The following STK4 variants were observed in gnomAD, a reference collection of about 807,000 sequenced individuals.
The protein encoded by STK4 is serine/threonine-protein kinase 4.
STK4 carries 30 observed loss-of-function variants against 64.9 expected under a neutral mutation model. The observed-to-expected ratio is 0.46, with a 90% CI of 0.35 to 0.63. STK4 has a LOEUF of 0.63. Among genes scored for constraint, STK4 ranks in the 20% least tolerant of loss-of-function variants. The pLI is 0.01. For missense variants in STK4, 466 were observed against 598.5 expected (o/e 0.78, Z 2.31); for synonymous variants, 177 against 199.0 (o/e 0.89, Z 0.93).
At chr20:44,971,880 C>A (rs1218491341) in intron 1 of STK4, among the ~76,000 whole-genome samples, 198 bp from the exon 2 acceptor site, 1 of 151,760 alleles carries the variant, frequency 6.6e-6, no homozygotes, top group Non-Finnish European at 1.5e-5. Context: ...ACCATGTTAG[C>A]CAGGATGGTC....
chr20:45,075,254 C>G lies in STK4; in HGVS notation c.*78C>G, dbSNP rs1980423940. 6.5e-7 allele frequency: 1 copy of G among 1,543,218 alleles called. No individual in the cohort carries two copies. On this transcript the variant is annotated 3_prime_UTR_variant, in exon 11 of 11. Coordinates refer to ENST00000372806, the MANE Select transcript of STK4 (RefSeq NM_006282.5). ...GGATGGCTTGCCTCATGTTTGTTAG[C>G]CAGCACTTCTGCTCTGTCGTCTCTC...
intron 6 of STK4, 58 bp from the exon 7 acceptor site, chr20:44,997,111 A>G (rs2067744914): frequency 1.9e-6 from 3 of 1,602,266 alleles, no homozygotes; most frequent in Admixed American, 3.4e-5. Flanking sequence ...TGTATTTTTT[A>G]TTGGAGCATT....
chr20:45,007,817 GCA>G (rs1184114406), intron 9 of STK4: 6 of 420,570 alleles, frequency 1.4e-5, no homozygotes, highest in African/African-American at 4.2e-5. Flanking sequence ...CAGGTTTGAT[GCA>G]TAAATATATT....
chr20:45,052,614 G>A (rs2145440705), intron 10 of STK4, among the ~76,000 whole-genome samples: 1 of 152,198 alleles, frequency 6.6e-6, no homozygotes. Flanking sequence ...CAGGAGGTTT[G>A]GGGATTGAGT....
At chr20:44,968,969 G>T (rs1300770516) in intron 1 of STK4, among the ~76,000 whole-genome samples, 3 of 152,178 alleles carry the variant, frequency 2.0e-5, no homozygotes, top group African/African-American at 7.2e-5. Context: ...TCAAGGCATT[G>T]TCAGAGTTGT....
chr20:45,055,501 G>T (rs1449658289), intron 10 of STK4, among the ~76,000 whole-genome samples: 2 of 151,346 alleles, frequency 1.3e-5, no homozygotes, highest in African/African-American at 4.9e-5. Flanking sequence ...TTTTCCGGGG[G>T]GTGGGGATCA....
At chr20:44,994,319 AAC>A (rs2067689021) in intron 5 of STK4, among the ~76,000 whole-genome samples, 1 of 151,078 alleles carries the variant, frequency 6.6e-6, no homozygotes. Context: ...GCTATGATAT[AAC>A]AGTGTTTCAT....
At chr20:44,995,443 T>TA (rs1158933446) in intron 6 of STK4, among the ~76,000 whole-genome samples, 186 bp downstream of exon 6, 7 of 151,834 alleles carry the variant, frequency 4.6e-5, no homozygotes, top group Admixed American at 3.9e-4. Flanking sequence ...TTGTCTCTAC[T>TA]AAAAATACAA....
intron 10 of STK4, among the ~76,000 whole-genome samples, chr20:45,041,976 T>G (rs1450671005): frequency 6.6e-6 from 1 of 152,168 alleles, no homozygotes; most frequent in African/African-American, 2.4e-5. Flanking sequence ...TTTGGTTCAG[T>G]TACTTTAATT....
intron 5 of STK4, among the ~76,000 whole-genome samples, chr20:44,993,772 A>G (rs2067677917): frequency 6.6e-6 from 1 of 152,154 alleles, no homozygotes; most frequent in Admixed American, 6.5e-5. Context: ...TGAGGTCAGG[A>G]GTTTGAGACC....
intron 9 of STK4, among the ~76,000 whole-genome samples, chr20:45,019,613 G>T (rs6124677): frequency 0.013 from 2,055 of 152,306 alleles, 86 homozygotes; most frequent in East Asian, 0.1. Context: ...GCCAGTCTTA[G>T]CATAGGAATT....
intron 10 of STK4, among the ~76,000 whole-genome samples, chr20:45,051,044 TA>T (rs1323918053): frequency 6.6e-6 from 1 of 152,232 alleles, no homozygotes; most frequent in Non-Finnish European, 1.5e-5. Flanking sequence ...GGCTTGTTTT[TA>T]CAGATAGAAA....
chr20:45,075,006 C>T lies in STK4; in HGVS notation c.1306-12C>T. On this transcript the variant is annotated splice_polypyrimidine_tract_variant and intron_variant, in intron 10 of 10. Transcript: ENST00000372806. ...AGCTTTGTCGTGACTATACCTTCCA[C>T]TTCTCTTCTAGCTTAAGAGTTGGAC... The T allele has an allele frequency of 6.2e-7, 1 of 1,614,120 alleles. No individual in the cohort carries two copies. The highest frequency in any genetic ancestry group is 8.5e-7 in the Non-Finnish European group (1 of 1,179,992).
chr20:44,980,575 A>G (rs6031901), intron 3 of STK4, among the ~76,000 whole-genome samples: 79,128 of 152,134 alleles, frequency 0.52, 21,644 homozygotes, highest in African/African-American at 0.66. Context: ...AGATTGTAGT[A>G]TGTGTATGTT....
intron 9 of STK4, among the ~76,000 whole-genome samples, chr20:45,003,578 A>G (rs2067879448): frequency 6.6e-6 from 1 of 152,186 alleles, no homozygotes; most frequent in African/African-American, 2.4e-5. Flanking sequence ...TTGAACCTCT[A>G]TGAAATGTTT....
chr20:45,061,866 CTTCTTCTTTTTT>C (rs1979046886), intron 10 of STK4, among the ~76,000 whole-genome samples: 1 of 140,260 alleles, frequency 7.1e-6, no homozygotes, highest in African/African-American at 2.7e-5. Context: ...TTTTCTTCTT[CTTCTTCTTTTTT>C]TTTTTTTTTT....
chr20:45,002,149 A>G (rs1236541747), intron 9 of STK4, among the ~76,000 whole-genome samples: 1 of 152,114 alleles, frequency 6.6e-6, no homozygotes, highest in African/African-American at 2.4e-5. Context: ...AGTTATTTTC[A>G]TTGACTCTGA....
chr20:44,999,512 A>G (rs6103953), intron 7 of STK4, among the ~76,000 whole-genome samples: 9,367 of 152,266 alleles, frequency 0.062, 961 homozygotes, highest in African/African-American at 0.21. Context: ...ACAACAGGCA[A>G]TTCCCCAAAA....
At chr20:45,003,032 A>G (rs1046760765) in intron 9 of STK4, among the ~76,000 whole-genome samples, 1 of 152,060 alleles carries the variant, frequency 6.6e-6, no homozygotes, top group Non-Finnish European at 1.5e-5. Flanking sequence ...TTTTTAACAG[A>G]TAGGGTCTTG....
Sources: allele counts gnomAD v4.1 joint callset (sites outside exome capture counted in the v4.1 genomes callset), GRCh38; gene constraint gnomAD v4.1.1; transcripts MANE v1.5; gene names NCBI Gene and HGNC (gene_info 2026-07-23, HGNC 2026-07-21).